Variants in ATP8B4 observed in about 807,000 individuals in gnomAD.
ATP8B4 encodes probable phospholipid-transporting ATPase IM.
Under a neutral mutation model 145.6 loss-of-function variants are expected in ATP8B4, and 133 were observed. The ratio of observed to expected loss-of-function variants is 0.91; its 90% CI spans 0.79 to 1.05. The LOEUF (loss-of-function observed/expected upper bound fraction) is 1.05. Ranked by LOEUF, ATP8B4 falls within the 50% of genes least tolerant of loss-of-function variation. ATP8B4 has a pLI of 0.00. For missense variants in ATP8B4, 1,458 were observed against 1,425.2 expected (o/e 1.02, Z -0.37); for synonymous variants, 507 against 492.9 (o/e 1.03, Z -0.38).
intron 2 of ATP8B4, among the ~76,000 whole-genome samples, chr15:50,097,730 T>C (rs1283016128): frequency 6.6e-6 from 1 of 152,178 alleles, no homozygotes; most frequent in Non-Finnish European, 1.5e-5. Flanking sequence ...GTGTATATAA[T>C]GCTCATGTCA....
At chr15:50,009,865 G>T (rs569206929) in intron 7 of ATP8B4, among the ~76,000 whole-genome samples, 5 of 152,244 alleles carry the variant, frequency 3.3e-5, no homozygotes, top group African/African-American at 9.6e-5. Flanking sequence ...AAGCATTGTG[G>T]TTACCAGAGA....
At chr15:49,986,349 T>A (rs556097440) in intron 10 of ATP8B4, among the ~76,000 whole-genome samples, 51 of 152,328 alleles carry the variant, frequency 3.3e-4, no homozygotes, top group Admixed American at 3.3e-3. Context: ...GATAAAGGAA[T>A]GTTCATGGTC....
intron 12 of ATP8B4, among the ~76,000 whole-genome samples, chr15:49,977,394 C>A (rs1023950449): frequency 6.6e-6 from 1 of 152,040 alleles, no homozygotes. Context: ...ATATGCCTAA[C>A]AACAAGGACA....
At chr15:49,999,298 A>T (rs935292465) in intron 8 of ATP8B4, among the ~76,000 whole-genome samples, 3 of 148,146 alleles carry the variant, frequency 2.0e-5, no homozygotes, top group Non-Finnish European at 4.5e-5. Flanking sequence ...AAAACCAAAC[A>T]CCGCATATTC....
intron 1 of ATP8B4, among the ~76,000 whole-genome samples, chr15:50,151,306 A>G (rs2044344092): frequency 6.6e-6 from 1 of 152,190 alleles, no homozygotes; most frequent in South Asian, 2.1e-4. Context: ...TATTAATCAC[A>G]TAGGAAGCTC....
At chr15:50,139,367 A>C (rs555882987) in intron 1 of ATP8B4, among the ~76,000 whole-genome samples, 89 of 152,218 alleles carry the variant, frequency 5.8e-4, no homozygotes, top group Non-Finnish European at 9.9e-4. Flanking sequence ...GTTCTCACTC[A>C]TAAGTGGGAG....
At position 49,860,005 on chromosome 15, in the gene ATP8B4, C is replaced by G; in HGVS notation, c.*189G>C. The G allele has an allele frequency of 1.6e-6, 1 of 609,928 alleles. No individual in the cohort carries two copies. Among genetic ancestry groups the G allele is most frequent in the Non-Finnish European group, 2.7e-6 (1 of 372,340 alleles). The allele number at this position is 609,928 out of a possible 1,614,324, so 37.8% of individuals were successfully genotyped here. ...CCAAATCACAAACCAGACAGTGACC[C>G]TCTGGCCTGGTTTTCCATAGCGCAC... On this transcript the variant is annotated 3_prime_UTR_variant, in exon 28 of 28. Coordinates refer to ENST00000284509, the MANE Select transcript of ATP8B4 (RefSeq NM_024837.4).
intron 1 of ATP8B4, among the ~76,000 whole-genome samples, chr15:50,172,286 G>T (rs2044686731): frequency 6.6e-6 from 1 of 152,260 alleles, no homozygotes; most frequent in African/African-American, 2.4e-5. Context: ...GGGATTGCAG[G>T]CGTGCGCCGC....
chr15:50,035,912 A>T (rs1477259373), intron 6 of ATP8B4, among the ~76,000 whole-genome samples: 2 of 152,152 alleles, frequency 1.3e-5, no homozygotes, highest in Non-Finnish European at 2.9e-5. Context: ...TACACAAGGG[A>T]AGCCACAAGC....
chr15:50,013,085 T>A (rs1021588580), intron 6 of ATP8B4, among the ~76,000 whole-genome samples: 1 of 152,086 alleles, frequency 6.6e-6, no homozygotes, highest in Admixed American at 6.6e-5. Flanking sequence ...CCACCACCAC[T>A]GACAATAATA....
intron 24 of ATP8B4, among the ~76,000 whole-genome samples, chr15:49,878,408 T>C (rs2034837344): frequency 1.3e-5 from 2 of 151,840 alleles, no homozygotes; most frequent in African/African-American, 4.8e-5. Flanking sequence ...GAGACTGGAG[T>C]GAGCTCATAA....
intron 1 of ATP8B4, among the ~76,000 whole-genome samples, chr15:50,159,214 T>C (rs1243323519): frequency 1.3e-5 from 2 of 152,208 alleles, no homozygotes; most frequent in Non-Finnish European, 2.9e-5. Context: ...TGGAGATCTT[T>C]TACTTCTTTG....
intron 2 of ATP8B4, among the ~76,000 whole-genome samples, chr15:50,085,748 G>A (rs1425139078): frequency 6.7e-6 from 1 of 148,598 alleles, no homozygotes; most frequent in Admixed American, 6.9e-5. Flanking sequence ...GGAGTATCAA[G>A]TAAATGTATA....
At chr15:50,009,297 A>C (rs1350951140) in intron 7 of ATP8B4, 1 of 152,750 alleles carries the variant, frequency 6.5e-6, no homozygotes, top group Non-Finnish European at 1.5e-5. Context: ...TCTTTCTTAC[A>C]AAGATCAACA....
chr15:50,168,593 A>G (rs1408011493), intron 1 of ATP8B4, among the ~76,000 whole-genome samples: 1 of 152,154 alleles, frequency 6.6e-6, no homozygotes, highest in Non-Finnish European at 1.5e-5. Context: ...AGGAGGGTGA[A>G]CAGAGGAGCA....
At chr15:50,156,077 T>TATATATATACATAA (rs1567410434) in intron 1 of ATP8B4, among the ~76,000 whole-genome samples, 12 of 23,340 alleles carry the variant, frequency 5.1e-4, no homozygotes, top group East Asian at 1.4e-3. Context: ...TAAATAAATA[T>TATATATATACATAA]ATATATATAT....
chr15:49,909,722 C>CAAAAAAA (rs995336781), intron 20 of ATP8B4, among the ~76,000 whole-genome samples: 39 of 71,918 alleles, frequency 5.4e-4, no homozygotes, highest in Non-Finnish European at 6.4e-4. Flanking sequence ...CTTTGTTTAC[C>CAAAAAAA]AAAAAAAAAA....
intron 5 of ATP8B4, among the ~76,000 whole-genome samples, chr15:50,042,235 G>C (rs903377035): frequency 6.6e-6 from 1 of 151,498 alleles, no homozygotes; most frequent in Admixed American, 6.6e-5. Context: ...ATTTCATTAA[G>C]AAATGAAGAG....
intron 14 of ATP8B4, among the ~76,000 whole-genome samples, chr15:49,951,845 C>T (rs915335998): frequency 1.3e-5 from 2 of 152,062 alleles, no homozygotes; most frequent in African/African-American, 4.8e-5. Context: ...TTTTCCTTTC[C>T]ATATTCAGTG....
Sources: allele counts gnomAD v4.1 joint callset (sites outside exome capture counted in the v4.1 genomes callset), GRCh38; gene constraint gnomAD v4.1.1; transcripts MANE v1.5; gene names NCBI Gene and HGNC (gene_info 2026-07-23, HGNC 2026-07-21).